The following MILR1 variants were observed in gnomAD, a reference collection of about 807,000 sequenced individuals.
The protein encoded by MILR1 is allergin-1.
Under a neutral mutation model 18.5 loss-of-function variants are expected in MILR1, and 31 were observed. That is an observed-to-expected ratio of 1.68 (90% confidence interval 1.26 to 2.26). The LOEUF (loss-of-function observed/expected upper bound fraction) is 2.26, where lower values mean the gene tolerates loss of function less well. Among genes scored for constraint, MILR1 ranks in the 30% most tolerant of loss-of-function variants. The pLI is 0.00. For synonymous variants in MILR1, 85 were observed against 56.2 expected, an observed-to-expected ratio of 1.51 and a Z score of -2.30; for missense variants, 257 against 157.4, an observed-to-expected ratio of 1.63 and a Z score of -3.38.
downstream of MILR1, among the ~76,000 whole-genome samples, chr17:64,471,634 C>T (rs2037688291): frequency 6.6e-6 from 1 of 152,206 alleles, no homozygotes; most frequent in African/African-American, 2.4e-5. Flanking sequence ...CCCAACATTT[C>T]CTCTATCACA....
At chr17:64,480,313 G>T in the MILR1 span, 172 of 1,576,308 alleles carry the variant, frequency 1.1e-4, 1 homozygote, top group Admixed American at 2.7e-3. Context: ...TTCCAATGAG[G>T]ACTGCATAGT....
intron 3 of MILR1, among the ~76,000 whole-genome samples, chr17:64,453,931 T>A (rs919456352): frequency 6.6e-6 from 1 of 152,124 alleles, no homozygotes; most frequent in Non-Finnish European, 1.5e-5. Context: ...TTATTTTATT[T>A]CTTTTTTTCT....
intron 2 of MILR1, among the ~76,000 whole-genome samples, chr17:64,451,027 C>T (rs2037159711): frequency 6.6e-6 from 1 of 152,166 alleles, no homozygotes; most frequent in Admixed American, 6.5e-5. Flanking sequence ...TGCTAAGTTG[C>T]CCTCCCAACA....
the MILR1 span, chr17:64,496,959 G>C: frequency 6.2e-7 from 1 of 1,605,782 alleles, no homozygotes; most frequent in Non-Finnish European, 8.5e-7. Flanking sequence ...ACGGCTACAC[G>C]AGAGCGCATC....
At chr17:64,465,182 A>G (rs2037525038) in intron 5 of MILR1, among the ~76,000 whole-genome samples, 1 of 152,248 alleles carries the variant, frequency 6.6e-6, no homozygotes, top group Non-Finnish European at 1.5e-5. Context: ...AGGAAAGAAA[A>G]TAAGTCTGGC....
chr17:64,486,247 G>A, the MILR1 span, among the ~76,000 whole-genome samples: 3 of 152,144 alleles, frequency 2.0e-5, no homozygotes, highest in Non-Finnish European at 2.9e-5. Context: ...CTCTATCCCA[G>A]AGATTCTGAA....
At chr17:64,496,987 A>C in the MILR1 span, 1 of 1,596,640 alleles carries the variant, frequency 6.3e-7, no homozygotes, top group Non-Finnish European at 8.5e-7. Context: ...GAAGTTAAAG[A>C]GCACACTCTC....
the MILR1 span, among the ~76,000 whole-genome samples, chr17:64,494,516 G>GT: frequency 6.6e-6 from 1 of 152,106 alleles, no homozygotes; most frequent in African/African-American, 2.4e-5. Context: ...ATTTTCTAAT[G>GT]TATCTTTCCT....
rs1555660864 is a variant in MILR1 at position 64,452,095 on chromosome 17, T to TG, written c.98-502_98-501insG. 5.1e-3 allele frequency among the ~76,000 whole-genome samples: 757 copies of TG among 149,168 alleles called. 6 individuals are homozygous for TG. The highest frequency in any genetic ancestry group is 0.014 in the Middle Eastern group (4 of 294). On this transcript the variant is annotated intron_variant, in intron 2 of 9. Transcript: ENST00000619286. ...GGTCCCAGCTATGTTTTTTTTTTTT[T>TG]TTGTTCTGTTTTGTTTTTTAAAAAT... is the stretch of plus-strand genomic sequence containing the variant.
chr17:64,489,796 C>CATT, the MILR1 span, among the ~76,000 whole-genome samples: 869 of 151,014 alleles, frequency 5.8e-3, 6 homozygotes, highest in South Asian at 0.011. Flanking sequence ...GCAAACCTCA[C>CATT]ATTAGTAACT....
chr17:64,463,674 T>C (rs1437819216), intron 5 of MILR1, among the ~76,000 whole-genome samples: 3 of 152,112 alleles, frequency 2.0e-5, no homozygotes, highest in South Asian at 4.1e-4. Flanking sequence ...GATTTTATTT[T>C]ATTTCATTTC....
intron 3 of MILR1, among the ~76,000 whole-genome samples, chr17:64,453,928 A>T (rs972331471): frequency 1.3e-4 from 20 of 151,546 alleles, no homozygotes; most frequent in African/African-American, 4.9e-4. Context: ...GTTTTATTTT[A>T]TTTCTTTTTT....
chr17:64,471,863 G>A (rs2037691301), downstream of MILR1, among the ~76,000 whole-genome samples: 2 of 152,200 alleles, frequency 1.3e-5, no homozygotes, highest in African/African-American at 4.8e-5. Context: ...ATATGTACAG[G>A]AACTTAGTAT....
At chr17:64,460,753 A>G (rs1306570644) in intron 4 of MILR1, 69 bp from the exon 5 acceptor site, 1 of 465,692 alleles carries the variant, frequency 2.1e-6, no homozygotes, top group Non-Finnish European at 4.0e-6. Flanking sequence ...CTTTTCTAAA[A>G]CACTTACTGG....
At chr17:64,486,085 G>A in the MILR1 span, among the ~76,000 whole-genome samples, 1,792 of 152,170 alleles carry the variant, frequency 0.012, 33 homozygotes, top group African/African-American at 0.041. Flanking sequence ...CAAAAGTAAA[G>A]TTTCATTTTA....
At chr17:64,497,013 T>C in the MILR1 span, 5 of 1,552,856 alleles carry the variant, frequency 3.2e-6, no homozygotes, top group African/African-American at 6.8e-5. Context: ...ACTCAACGGA[T>C]CCCAACAAGC....
the MILR1 span, chr17:64,490,712 G>A: frequency 3.3e-5 from 35 of 1,058,028 alleles, no homozygotes; most frequent in South Asian, 8.9e-5. Flanking sequence ...AAGACACCAC[G>A]TTTGCACCTT....
At chr17:64,467,777 A>G (rs2144090768) in intron 9 of MILR1, 132 bp downstream of exon 9, 2 of 535,234 alleles carry the variant, frequency 3.7e-6, no homozygotes, top group East Asian at 3.4e-5. Context: ...TCTACTAAAA[A>G]TACAAAAATT....
intron 9 of MILR1, 26 bp from the exon 10 acceptor site, chr17:64,468,283 TC>T: frequency 2.2e-6 from 1 of 455,370 alleles, no homozygotes; most frequent in South Asian, 1.6e-5. Flanking sequence ...TTATATTCTC[TC>T]TTGTCTCTCT....
Sources: allele counts gnomAD v4.1 joint callset (sites outside exome capture counted in the v4.1 genomes callset), GRCh38; gene constraint gnomAD v4.1.1; transcripts MANE v1.5; gene names NCBI Gene and HGNC (gene_info 2026-07-23, HGNC 2026-07-21).